Variants in ITPR2 observed in about 807,000 individuals in gnomAD.
ITPR2 encodes the protein inositol 1,4,5-trisphosphate receptor type 2.
A neutral mutation model predicts 317.1 loss-of-function variants in ITPR2; 207 were observed. That is an observed-to-expected ratio of 0.65 (90% CI 0.58 to 0.73). ITPR2 has a LOEUF of 0.73. Ranked by LOEUF, ITPR2 falls within the 30% of genes least tolerant of loss-of-function variation. The pLI is 0.00. For missense variants in ITPR2, 2,613 were observed against 3,284.0 expected (o/e 0.80, Z 4.99); for synonymous variants, 1,156 against 1,149.1 (o/e 1.01, Z -0.12).
intron 9 of ITPR2, 130 bp from the exon 10 acceptor site, chr12:26,695,780 T>A (rs1948334356): frequency 1.6e-6 from 1 of 634,900 alleles, no homozygotes; most frequent in African/African-American, 1.8e-5. Flanking sequence ...AGAAAGAAAC[T>A]ATTAGTAAAT....
At chr12:26,652,873 T>A (rs1947287640) in intron 21 of ITPR2, among the ~76,000 whole-genome samples, 1 of 152,244 alleles carries the variant, frequency 6.6e-6, no homozygotes, top group South Asian at 2.1e-4. Flanking sequence ...ATATACCTTC[T>A]GCAAACAAGC....
chr12:26,564,565 A>G (rs1944899159), intron 34 of ITPR2, among the ~76,000 whole-genome samples: 1 of 152,204 alleles, frequency 6.6e-6, no homozygotes, highest in African/African-American at 2.4e-5. Flanking sequence ...CGTTAAGTTG[A>G]GGTCATACTG....
At chr12:26,747,125 A>T (rs1166130084) in intron 2 of ITPR2, among the ~76,000 whole-genome samples, 1 of 152,166 alleles carries the variant, frequency 6.6e-6, no homozygotes, top group Non-Finnish European at 1.5e-5. Context: ...TTTATCTGAG[A>T]CTTTCCATTG....
chr12:26,640,562 G>A (rs1189244800), intron 21 of ITPR2, among the ~76,000 whole-genome samples: 1 of 151,932 alleles, frequency 6.6e-6, no homozygotes, highest in Non-Finnish European at 1.5e-5. Context: ...ACCAGAAATA[G>A]AATCTATTTT....
At chr12:26,349,150 AAAC>A (rs917589467) in intron 55 of ITPR2, among the ~76,000 whole-genome samples, 1 of 152,192 alleles carries the variant, frequency 6.6e-6, no homozygotes, top group Non-Finnish European at 1.5e-5. Context: ...CCTGTCTCTA[AAAC>A]AACAACAACA....
At chr12:26,664,904 T>C (rs1947588654) in intron 14 of ITPR2, among the ~76,000 whole-genome samples, 1 of 152,168 alleles carries the variant, frequency 6.6e-6, no homozygotes, top group South Asian at 2.1e-4. Flanking sequence ...ATAACTAACA[T>C]TATGTCTACT....
intron 2 of ITPR2, among the ~76,000 whole-genome samples, chr12:26,736,818 C>T (rs962157532): frequency 2.4e-4 from 36 of 152,154 alleles, no homozygotes; most frequent in Admixed American, 3.9e-4. Context: ...CATGTTGGGT[C>T]CAGTTCTATA....
At chr12:26,357,554 T>A (rs1488494212) in intron 55 of ITPR2, among the ~76,000 whole-genome samples, 2 of 152,258 alleles carry the variant, frequency 1.3e-5, no homozygotes, top group African/African-American at 4.8e-5. Context: ...TGTTCTGTTA[T>A]AGCAAATTAT....
In ITPR2 at chr12:26,699,313, C is replaced by T. The variant is rs575568559; in HGVS notation, c.952-3663G>A. On this transcript the variant is annotated intron_variant, in intron 9 of 56. Coordinates refer to ENST00000381340, the MANE Select transcript of ITPR2 (RefSeq NM_002223.4). ...CTACAATCAGTCTTTACGTATTTCCCCTGCTTAGGATTACCCGTCCCTGAC... is the reference window on the plus strand; with the variant it reads ...CTACAATCAGTCTTTACGTATTTCCTCTGCTTAGGATTACCCGTCCCTGAC... Among the ~76,000 whole-genome samples, 14 of 152,218 alleles carry T rather than the reference C, an allele frequency of 9.2e-5. No homozygotes were observed. The South Asian group carries it at 2.1e-3, about 23-fold the overall frequency.
chr12:26,565,619 C>A (rs1414240162), intron 34 of ITPR2, among the ~76,000 whole-genome samples: 1 of 151,662 alleles, frequency 6.6e-6, no homozygotes, highest in Non-Finnish European at 1.5e-5. Context: ...GGTGGAAATT[C>A]TCTGAAGCTT....
chr12:26,827,921 C>T (rs192302478), intron 1 of ITPR2, among the ~76,000 whole-genome samples: 14 of 152,292 alleles, frequency 9.2e-5, no homozygotes, highest in Admixed American at 7.2e-4. Flanking sequence ...ACAATTCGTA[C>T]GCCTTTGAAG....
chr12:26,741,405 C>A (rs1949226430), intron 2 of ITPR2, among the ~76,000 whole-genome samples: 1 of 152,252 alleles, frequency 6.6e-6, no homozygotes, highest in Non-Finnish European at 1.5e-5. Context: ...ATAATTCTTA[C>A]CTCCTTTGCC....
chr12:26,817,424 C>T (rs1259261106), intron 1 of ITPR2, among the ~76,000 whole-genome samples: 4 of 152,094 alleles, frequency 2.6e-5, no homozygotes, highest in Admixed American at 2.0e-4. Context: ...CTTTTCTAGG[C>T]CTAAAGTGAA....
chr12:26,556,566 T>TGTG (rs1555155169), intron 35 of ITPR2, among the ~76,000 whole-genome samples, 191 bp from the exon 36 acceptor site: 10,648 of 136,158 alleles, frequency 0.078, 490 homozygotes, highest in Non-Finnish European at 0.1. Context: ...ATTTTTTTTT[T>TGTG]TGTGTGTGTG....
intron 45 of ITPR2, among the ~76,000 whole-genome samples, chr12:26,456,743 G>A (rs751693256): frequency 6.6e-5 from 10 of 152,054 alleles, no homozygotes; most frequent in Admixed American, 2.6e-4. Flanking sequence ...CATGATCTCC[G>A]CTCACTGCAA....
chr12:26,422,994 G>T (rs1940943351), intron 49 of ITPR2, among the ~76,000 whole-genome samples: 1 of 152,134 alleles, frequency 6.6e-6, no homozygotes. Flanking sequence ...GGCAAAATTT[G>T]CATGCAGTCA....
At chr12:26,530,705 G>A (rs1270099873) in intron 37 of ITPR2, among the ~76,000 whole-genome samples, 2 of 152,054 alleles carry the variant, frequency 1.3e-5, no homozygotes, top group African/African-American at 4.8e-5. Flanking sequence ...GTGGTTGTGG[G>A]TAGAAAGGCC....
chr12:26,347,618 A>G (rs943214678), intron 55 of ITPR2, among the ~76,000 whole-genome samples: 6 of 152,196 alleles, frequency 3.9e-5, no homozygotes, highest in Non-Finnish European at 8.8e-5. Context: ...ACTGCACCAG[A>G]TCACTCTGCA....
chr12:26,581,999 G>A (rs1003040263), intron 32 of ITPR2, among the ~76,000 whole-genome samples: 2 of 152,102 alleles, frequency 1.3e-5, no homozygotes, highest in African/African-American at 4.8e-5. Context: ...TTAGTCAGTG[G>A]ATTAATGAAA....
Sources: allele counts gnomAD v4.1 joint callset (sites outside exome capture counted in the v4.1 genomes callset), GRCh38; gene constraint gnomAD v4.1.1; transcripts MANE v1.5; gene names NCBI Gene and HGNC (gene_info 2026-07-23, HGNC 2026-07-21).